The following CNTNAP2 variants were observed in gnomAD, a reference collection of about 807,000 sequenced individuals.
CNTNAP2 encodes contactin associated protein 2.
In CNTNAP2, 98 loss-of-function variants were observed where a neutral mutation model predicts 155.2. The observed-to-expected ratio is 0.63, with a 90% CI of 0.54 to 0.75. The LOEUF is 0.75. Ranked by LOEUF, CNTNAP2 falls within the 30% of genes least tolerant of loss-of-function variation. The probability of loss-of-function intolerance (pLI) is 0.00; values close to 1 mark genes in which losing one functional copy is unlikely to be tolerated. For missense variants in CNTNAP2, 1,727 were observed against 1,688.1 expected (o/e 1.02, Z -0.40); for synonymous variants, 651 against 631.2 (o/e 1.03, Z -0.47).
At chr7:146,226,580 A>G (rs1010242795) in intron 1 of CNTNAP2, among the ~76,000 whole-genome samples, 1 of 152,132 alleles carries the variant, frequency 6.6e-6, no homozygotes, top group Non-Finnish European at 1.5e-5. Context: ...GGATTGCTTG[A>G]GCACAGGAGG....
chr7:147,260,074 A>G (rs940118361), intron 8 of CNTNAP2, among the ~76,000 whole-genome samples: 1 of 152,174 alleles, frequency 6.6e-6, no homozygotes, highest in Non-Finnish European at 1.5e-5. Flanking sequence ...CGAACAGAAA[A>G]TGTTTTTCCG....
chr7:147,755,832 C>T (rs1563077934), intron 13 of CNTNAP2, among the ~76,000 whole-genome samples: 1 of 152,112 alleles, frequency 6.6e-6, no homozygotes, highest in Non-Finnish European at 1.5e-5. Flanking sequence ...AGGAGCCTCA[C>T]GTTTTCATTT....
Position 146,788,395 on chromosome 7 carries a change from T to C in CNTNAP2, c.208+14014T>C, listed in dbSNP as rs117242224. Among the ~76,000 whole-genome samples the C allele has an allele frequency of 4.5e-4, 68 of 152,366 alleles. No individual in the cohort carries two copies. The East Asian group carries it at 9.5e-3, about 21-fold the overall frequency. On this transcript the variant is annotated intron_variant, in intron 2 of 23. Coordinates refer to ENST00000361727, the MANE Select transcript of CNTNAP2 (RefSeq NM_014141.6). ...GAGTCATAGGGATTGCTAGAGACTCTTCTCGTATTATGGTAAGGTCATATG... is the reference window on the plus strand; with the variant it reads ...GAGTCATAGGGATTGCTAGAGACTCCTCTCGTATTATGGTAAGGTCATATG...
chr7:146,349,923 T>C (rs892856509), intron 1 of CNTNAP2, among the ~76,000 whole-genome samples: 2 of 152,102 alleles, frequency 1.3e-5, no homozygotes, highest in African/African-American at 4.8e-5. Context: ...ATTTCAACTT[T>C]GGTGAATCTG....
At chr7:148,274,591 A>G (rs567118878) in intron 21 of CNTNAP2, among the ~76,000 whole-genome samples, 46 of 152,236 alleles carry the variant, frequency 3.0e-4, no homozygotes, top group Middle Eastern at 3.4e-3. Flanking sequence ...CCTCCCCCCA[A>G]CACTCTTCCT....
At chr7:146,535,302 TATG>T (rs368657016) in intron 1 of CNTNAP2, among the ~76,000 whole-genome samples, 12 of 61,852 alleles carry the variant, frequency 1.9e-4, no homozygotes, top group Admixed American at 1.1e-3. Context: ...GTATATTATA[TATG>T]ATATTATATC....
chr7:146,507,877 C>T (rs770584151), intron 1 of CNTNAP2, among the ~76,000 whole-genome samples: 4 of 152,144 alleles, frequency 2.6e-5, no homozygotes, highest in South Asian at 2.1e-4. Context: ...AGTCTATTGT[C>T]GCCCTTTCCA....
intron 8 of CNTNAP2, among the ~76,000 whole-genome samples, chr7:147,298,424 CA>C (rs957175726): frequency 2.4e-4 from 33 of 138,144 alleles, no homozygotes; most frequent in East Asian, 6.3e-4. Context: ...AACTCCATCA[CA>C]AAAAAAAAAG....
intron 14 of CNTNAP2, among the ~76,000 whole-genome samples, chr7:147,942,587 C>T (rs1585040826): frequency 1.3e-5 from 2 of 152,050 alleles, no homozygotes; most frequent in South Asian, 4.2e-4. Flanking sequence ...TAGCACTGCT[C>T]AATATTTTAG....
At chr7:147,382,652 C>T (rs989933893) in intron 9 of CNTNAP2, among the ~76,000 whole-genome samples, 1 of 152,008 alleles carries the variant, frequency 6.6e-6, no homozygotes, top group African/African-American at 2.4e-5. Context: ...GAGACATCCT[C>T]CCATAGTTGG....
At chr7:146,647,560 G>A (rs952552619) in intron 1 of CNTNAP2, among the ~76,000 whole-genome samples, 5 of 152,144 alleles carry the variant, frequency 3.3e-5, no homozygotes, top group Admixed American at 3.3e-4. Context: ...ATTTAAAAAG[G>A]TTTAAAATTC....
At chr7:146,333,205 A>G (rs575925007) in intron 1 of CNTNAP2, among the ~76,000 whole-genome samples, 18 of 152,098 alleles carry the variant, frequency 1.2e-4, no homozygotes, top group East Asian at 5.8e-4. Flanking sequence ...TCGGCCTCCC[A>G]AAGTGTTGGG....
intron 3 of CNTNAP2, among the ~76,000 whole-genome samples, chr7:146,971,071 G>C (rs1797785268): frequency 6.6e-6 from 1 of 152,050 alleles, no homozygotes; most frequent in Admixed American, 6.6e-5. Flanking sequence ...TGGGGTTGGA[G>C]GGGGAGGGAT....
intron 3 of CNTNAP2, among the ~76,000 whole-genome samples, chr7:146,929,112 T>C (rs1401045562): frequency 1.3e-5 from 2 of 152,274 alleles, no homozygotes; most frequent in East Asian, 1.9e-4. Context: ...AGCTGGAGAT[T>C]TGAGAATGGG....
At chr7:146,773,794 T>A (rs896536812) in intron 1 of CNTNAP2, among the ~76,000 whole-genome samples, 6 of 152,222 alleles carry the variant, frequency 3.9e-5, no homozygotes, top group African/African-American at 1.4e-4. Flanking sequence ...TCTCCAGAAC[T>A]TAGTCATCTC....
chr7:146,446,073 C>G (rs997043944), intron 1 of CNTNAP2, among the ~76,000 whole-genome samples: 20 of 152,080 alleles, frequency 1.3e-4, no homozygotes, highest in Non-Finnish European at 2.8e-4. Context: ...ATCATTCTTA[C>G]TAAGTTCATT....
At chr7:147,914,241 T>A (rs992936868) in intron 14 of CNTNAP2, among the ~76,000 whole-genome samples, 23 of 151,818 alleles carry the variant, frequency 1.5e-4, no homozygotes, top group African/African-American at 2.2e-4. Flanking sequence ...GTTTCTTTTT[T>A]AAAAAAAAAA....
Position 148,420,226 on chromosome 7 carries a change from C to G in CNTNAP2, c.*4610C>G, listed in dbSNP as rs1389603340. 1 of 152,218 alleles carries G rather than the reference C, an allele frequency of 6.6e-6. No homozygotes were observed. The highest frequency in any genetic ancestry group is 1.5e-5 in the Non-Finnish European group (1 of 68,034). The allele number at this position is 152,218 out of a possible 1,614,324, so 9.4% of individuals were successfully genotyped here. A position where few individuals can be genotyped will look rare whatever the true frequency, so the allele number is the denominator to read the frequency against. On this transcript the variant is annotated 3_prime_UTR_variant, in exon 24 of 24. Transcript: ENST00000361727. Reference sequence around the variant, plus strand: ...ATGTAACTTACAGCTCCCTTACCTACTCTCACACATGCCCTCAAACATGCT... The same window carrying G: ...ATGTAACTTACAGCTCCCTTACCTAGTCTCACACATGCCCTCAAACATGCT...
chr7:148,191,219 T>C (rs891350399), intron 18 of CNTNAP2, among the ~76,000 whole-genome samples: 1 of 152,040 alleles, frequency 6.6e-6, no homozygotes, highest in African/African-American at 2.4e-5. Flanking sequence ...CAATTCCTTA[T>C]AAAAGAACAA....
Sources: allele counts gnomAD v4.1 joint callset (sites outside exome capture counted in the v4.1 genomes callset), GRCh38; gene constraint gnomAD v4.1.1; transcripts MANE v1.5; gene names NCBI Gene and HGNC (gene_info 2026-07-23, HGNC 2026-07-21).